The following PDE4B variants were observed in gnomAD, a reference collection of about 807,000 sequenced individuals.
PDE4B encodes phosphodiesterase 4B.
In PDE4B, 20 loss-of-function variants were observed where a neutral mutation model predicts 82.2. The ratio of observed to expected loss-of-function variants is 0.24; its 90% CI spans 0.17 to 0.35. The LOEUF (loss-of-function observed/expected upper bound fraction) is 0.35. Ranked by LOEUF, PDE4B falls within the 10% of genes least tolerant of loss-of-function variation. The pLI is 1.00. For missense variants in PDE4B, 655 were observed against 907.2 expected, an observed-to-expected ratio of 0.72 and a Z score of 3.57; for synonymous variants, 320 against 318.9, an observed-to-expected ratio of 1.00 and a Z score of -0.04.
intron 15 of PDE4B, 73 bp downstream of exon 15, chr1:66,368,138 A>G (rs1184258543): frequency 4.6e-6 from 7 of 1,528,410 alleles, no homozygotes; most frequent in Admixed American, 3.6e-5. Context: ...GAAAAAGAAA[A>G]CAAAGATAAA....
chr1:65,836,759 C>G (rs1287077486), intron 1 of PDE4B, among the ~76,000 whole-genome samples: 1 of 152,066 alleles, frequency 6.6e-6, no homozygotes, highest in Non-Finnish European at 1.5e-5. Context: ...GATTATTGTT[C>G]TCTTACTCTC....
rs181795443 is a variant in PDE4B, at chr1:65,845,702, T to C, written c.-71+52454T>C. On this transcript the variant is annotated intron_variant, in intron 1 of 16. Transcript: ENST00000341517. ...TCCATCCAGTTCTGGTCTCTGTCCA[T>C]GTAGAGCGATATCCACCTAAGTGCT... Among the ~76,000 whole-genome samples, 145 of 152,290 alleles carry C rather than the reference T, an allele frequency of 9.5e-4. 2 individuals carry two copies. Among genetic ancestry groups the C allele is most frequent in the East Asian group, 1.5e-3 (8 of 5,176 alleles).
chr1:66,335,339 A>G (rs1247145348), intron 8 of PDE4B, among the ~76,000 whole-genome samples: 1 of 152,216 alleles, frequency 6.6e-6, no homozygotes, highest in African/African-American at 2.4e-5. Context: ...AAATTGTGTT[A>G]TGCTGAGGGG....
At chr1:65,889,310 T>C (rs1184959786) in intron 1 of PDE4B, among the ~76,000 whole-genome samples, 1 of 152,136 alleles carries the variant, frequency 6.6e-6, no homozygotes, top group East Asian at 1.9e-4. Context: ...ATTATCTTTT[T>C]GATGTACTGT....
At chr1:66,068,105 T>TAAA (rs5774792) in intron 3 of PDE4B, among the ~76,000 whole-genome samples, 1 of 147,652 alleles carries the variant, frequency 6.8e-6, no homozygotes, top group Non-Finnish European at 1.5e-5. Flanking sequence ...ATAATAAAAT[T>TAAA]AAAAAAAAAA....
intron 7 of PDE4B, among the ~76,000 whole-genome samples, chr1:66,318,328 A>G (rs1022828842): frequency 6.6e-6 from 1 of 152,162 alleles, no homozygotes; most frequent in African/African-American, 2.4e-5. Context: ...AATATTATAC[A>G]TAGTCTCTCA....
At chr1:65,933,791 C>A (rs1005738958) in intron 3 of PDE4B, among the ~76,000 whole-genome samples, 1 of 152,042 alleles carries the variant, frequency 6.6e-6, no homozygotes, top group Non-Finnish European at 1.5e-5. Context: ...GAAAGTGAAA[C>A]TTGGTAATGA....
intron 1 of PDE4B, among the ~76,000 whole-genome samples, chr1:65,887,035 A>G (rs535916494): frequency 1.3e-5 from 2 of 151,646 alleles, no homozygotes; most frequent in East Asian, 1.9e-4. Flanking sequence ...AGCATCTGCT[A>G]TTTTTTTTGT....
At chr1:66,203,281 T>C (rs1649188796) in intron 3 of PDE4B, among the ~76,000 whole-genome samples, 1 of 152,136 alleles carries the variant, frequency 6.6e-6, no homozygotes, top group Non-Finnish European at 1.5e-5. Flanking sequence ...GCCCTTAACA[T>C]TTTTTCCTTC....
intron 1 of PDE4B, among the ~76,000 whole-genome samples, chr1:65,844,702 C>T (rs1419011745): frequency 2.6e-5 from 4 of 152,088 alleles, no homozygotes; most frequent in Non-Finnish European, 4.4e-5. Flanking sequence ...ATTCTCCCCA[C>T]AAACACATTA....
chr1:65,887,210 C>CT (rs1316560197), intron 1 of PDE4B, among the ~76,000 whole-genome samples: 1 of 14,152 alleles, frequency 7.1e-5, no homozygotes, highest in African/African-American at 3.8e-4. Context: ...TTCTTTCTTT[C>CT]TTTCTTTCTT....
Position 66,201,761 on chromosome 1 carries a change from G to A in PDE4B, c.282-45699G>A, listed in dbSNP as rs1422417287. 4.6e-5 allele frequency among the ~76,000 whole-genome samples: 7 copies of A among 151,462 alleles called. No homozygotes were observed. In the East Asian group the frequency reaches 5.8e-4, roughly 13 times the overall value. On this transcript the variant is annotated intron_variant, in intron 3 of 16. Transcript: ENST00000341517. ...TTTCTTCTTTATTAGTCTTGCTAGC[G>A]GTCTATCAATTTTGTTGATCCTTTC...
At chr1:66,183,463 T>TC in intron 3 of PDE4B, among the ~76,000 whole-genome samples, 1 of 152,114 alleles carries the variant, frequency 6.6e-6, no homozygotes, top group Non-Finnish European at 1.5e-5. Flanking sequence ...GTTCTCCTTT[T>TC]CCCCTCCCCT....
At chr1:65,835,012 C>A (rs1270044777) in intron 1 of PDE4B, among the ~76,000 whole-genome samples, 2 of 152,144 alleles carry the variant, frequency 1.3e-5, no homozygotes, top group Non-Finnish European at 2.9e-5. Context: ...AATTTAACCT[C>A]CATAAAGATA....
chr1:66,105,818 A>C (rs1244758072), intron 3 of PDE4B, among the ~76,000 whole-genome samples: 1 of 151,958 alleles, frequency 6.6e-6, no homozygotes, highest in Non-Finnish European at 1.5e-5. Context: ...GAAGTTGCTT[A>C]TCAGCTTAAG....
At chr1:66,366,977 A>G (rs1390622793) in intron 13 of PDE4B, among the ~76,000 whole-genome samples, 2 of 152,230 alleles carry the variant, frequency 1.3e-5, no homozygotes, top group African/African-American at 2.4e-5. Flanking sequence ...ATGTGGTTTC[A>G]TAAGTCTGAT....
intron 3 of PDE4B, among the ~76,000 whole-genome samples, chr1:66,106,916 G>A (rs1432830842): frequency 1.5e-5 from 2 of 137,640 alleles, no homozygotes; most frequent in Admixed American, 7.7e-5. Flanking sequence ...TTTTTTGAAG[G>A]GTTTTTTGTG....
At position 66,159,636 on chromosome 1, in the gene PDE4B, G is replaced by A. The variant is rs568918455; in HGVS notation, c.282-87824G>A. 3.9e-5 allele frequency among the ~76,000 whole-genome samples: 6 copies of A among 152,276 alleles called. No individual in the cohort carries two copies. In the East Asian group the frequency reaches 9.6e-4, roughly 24 times the overall value. ...AAGTGCTATAGATAATAGGATTTTC[G>A]ACATGGGCTTGAGTAATCTTGAGGG... On this transcript the variant is annotated intron_variant, in intron 3 of 16. Transcript: ENST00000341517.
rs775787595 is a variant in PDE4B, at chr1:66,368,831, C to A, written c.1707C>A (p.Thr569=). The stretch of plus-strand genomic sequence containing the variant: ...ACTGTGCAGACCTGAGCAACCCCAC[C>A]AAGTCCTTGGAATTGTATCGGCAAT... ...MVHCADLSNP[T]KSLELYRQWT... Residue 569 remains threonine, a synonymous_variant, in exon 16 of 17, where the codon ACC becomes ACA. Transcript: ENST00000341517. 6.2e-7 allele frequency: 1 copy of A among 1,612,758 alleles called. No individual in the cohort carries two copies. The highest frequency in any genetic ancestry group is 8.5e-7 in the Non-Finnish European group (1 of 1,179,280).
Sources: gnomAD v4.1 joint callset for allele counts (sites outside exome capture counted in the v4.1 genomes callset) on GRCh38, gnomAD v4.1.1 for gene constraint, MANE v1.5 for transcripts, NCBI Gene and HGNC (gene_info 2026-07-23, HGNC 2026-07-21) for gene names.